CCSER1: variants seen among roughly 807,000 people sequenced by gnomAD.
CCSER1 encodes serine-rich coiled-coil domain-containing protein 1.
CCSER1 carries 41 observed loss-of-function variants against 82.0 expected under a neutral mutation model. The observed-to-expected ratio is 0.50, with a 90% CI of 0.39 to 0.65. CCSER1 has a LOEUF of 0.65. Ranked by LOEUF, CCSER1 falls within the 30% of genes least tolerant of loss-of-function variation. The probability of loss-of-function intolerance (pLI) is 0.00; values close to 1 mark genes in which losing one functional copy is unlikely to be tolerated. For missense variants in CCSER1, 1,119 were observed against 1,064.2 expected (o/e 1.05, Z -0.72); for synonymous variants, 414 against 383.9 (o/e 1.08, Z -0.92).
At chr4:91,468,230 T>C (rs1757046060) in intron 10 of CCSER1, among the ~76,000 whole-genome samples, 1 of 152,134 alleles carries the variant, frequency 6.6e-6, no homozygotes, top group Non-Finnish European at 1.5e-5. Context: ...GAAACCATCA[T>C]TCTTGGCAAA....
intron 9 of CCSER1, among the ~76,000 whole-genome samples, chr4:90,933,245 A>T (rs1414958557): frequency 1.4e-5 from 2 of 141,402 alleles, no homozygotes; most frequent in Non-Finnish European, 3.0e-5. Flanking sequence ...TGGAGTGCGG[A>T]GGCGCGGTCT....
intron 6 of CCSER1, among the ~76,000 whole-genome samples, chr4:90,684,518 T>C (rs1277714809): frequency 6.6e-6 from 1 of 152,236 alleles, no homozygotes; most frequent in Admixed American, 6.5e-5. Flanking sequence ...CTTTAAATTA[T>C]GCTTGTGAAT....
chr4:90,435,903 A>G (rs1466646773), intron 4 of CCSER1, among the ~76,000 whole-genome samples: 1 of 152,082 alleles, frequency 6.6e-6, no homozygotes, highest in Non-Finnish European at 1.5e-5. Flanking sequence ...GTTAGATATT[A>G]AATTGTTTAT....
chr4:91,068,448 A>C (rs1364639904), intron 9 of CCSER1, among the ~76,000 whole-genome samples: 1 of 152,206 alleles, frequency 6.6e-6, no homozygotes, highest in East Asian at 1.9e-4. Context: ...GTTCCTAGAA[A>C]TTAATAATGA....
chr4:91,256,141 T>TG (rs553425372), intron 10 of CCSER1, among the ~76,000 whole-genome samples: 318 of 152,048 alleles, frequency 2.1e-3, no homozygotes, highest in South Asian at 0.013. Context: ...CCTGGTTGGG[T>TG]GGGGGGGCCC....
At chr4:91,289,504 T>G (rs558183398) in intron 10 of CCSER1, among the ~76,000 whole-genome samples, 1 of 152,172 alleles carries the variant, frequency 6.6e-6, no homozygotes, top group South Asian at 2.1e-4. Context: ...AATTACTGAG[T>G]TAGAGCTGTA....
intron 8 of CCSER1, among the ~76,000 whole-genome samples, chr4:90,851,193 C>T (rs532906212): frequency 1.3e-4 from 20 of 152,252 alleles, no homozygotes; most frequent in East Asian, 3.9e-4. Flanking sequence ...TACCCAGTCT[C>T]GTATTTCTTC....
chr4:90,145,620 A>G (rs959210368), intron 1 of CCSER1, among the ~76,000 whole-genome samples: 1 of 152,126 alleles, frequency 6.6e-6, no homozygotes, highest in Non-Finnish European at 1.5e-5. Context: ...GTGAGGGAAT[A>G]TGATCTTTAT....
At chr4:90,523,772 C>G (rs562108331) in intron 5 of CCSER1, among the ~76,000 whole-genome samples, 1 of 151,698 alleles carries the variant, frequency 6.6e-6, no homozygotes, top group African/African-American at 2.4e-5. Context: ...CTGAAAAGTA[C>G]GAAGATTTCC....
chr4:91,212,990 AGTTT>A (rs1451192690), intron 10 of CCSER1, among the ~76,000 whole-genome samples: 3 of 152,024 alleles, frequency 2.0e-5, no homozygotes, highest in Non-Finnish European at 4.4e-5. Flanking sequence ...AACACGTGGT[AGTTT>A]GTTTTCTGTT....
At chr4:90,391,239 C>T (rs546366946) in intron 3 of CCSER1, among the ~76,000 whole-genome samples, 7 of 136,790 alleles carry the variant, frequency 5.1e-5, no homozygotes, top group African/African-American at 2.0e-4. Flanking sequence ...TGCCATTGCG[C>T]TCCAGCCTGG....
At position 91,270,781 on chromosome 4, in the gene CCSER1, G is replaced by C. The variant is rs144908230; in HGVS notation, c.2217+184787G>C. 4.0e-3 allele frequency among the ~76,000 whole-genome samples: 607 copies of C among 152,226 alleles called. 2 individuals carry two copies. The highest frequency in any genetic ancestry group is 0.014 in the African/African-American group (570 of 41,524). On this transcript the variant is annotated intron_variant, in intron 10 of 10. Transcript: ENST00000509176. ...TCCCTCTTTCCTATTTGTGGTAATG[G>C]AAGGCTATTATATAGTATGGAGATA...
intron 9 of CCSER1, among the ~76,000 whole-genome samples, chr4:90,936,519 T>G: frequency 6.6e-6 from 1 of 152,236 alleles, no homozygotes; most frequent in East Asian, 1.9e-4. Flanking sequence ...GTATTAAAAC[T>G]TTTATGGAAA....
In CCSER1 at chr4:90,628,005, CT is replaced by C. The variant is rs11303496; in HGVS notation, c.1725-9del. ...AGCATGCTGCACTGTAATTTTTGTT[CT>C]TTTTTTTTTTCTTGTTAGGAATCTT... On this transcript the variant is annotated intron_variant, in intron 5 of 10. Coordinates refer to ENST00000509176, the MANE Select transcript of CCSER1 (RefSeq NM_001145065.2). 0.43 allele frequency: 560,285 copies of C among 1,308,504 alleles called. 92,600 individuals are homozygous for C. Among genetic ancestry groups the C allele is most frequent in the African/African-American group, 0.73 (51,555 of 70,480 alleles). The allele number at this position is 1,308,504 out of a possible 1,614,324, so 81.1% of individuals were successfully genotyped here.
At chr4:91,580,876 C>A (rs916022885) in intron 10 of CCSER1, among the ~76,000 whole-genome samples, 1 of 151,478 alleles carries the variant, frequency 6.6e-6, no homozygotes, top group Non-Finnish European at 1.5e-5. Context: ...TTTTTGACAA[C>A]CATACATCTT....
At chr4:91,031,211 A>G (rs1333780211) in intron 9 of CCSER1, among the ~76,000 whole-genome samples, 2 of 152,116 alleles carry the variant, frequency 1.3e-5, no homozygotes, top group African/African-American at 4.8e-5. Context: ...TTGATATAAA[A>G]CCTGTAATTA....
At chr4:90,842,437 TG>T in intron 8 of CCSER1, among the ~76,000 whole-genome samples, 1 of 152,154 alleles carries the variant, frequency 6.6e-6, no homozygotes, top group East Asian at 1.9e-4. Flanking sequence ...GATGCAAAAA[TG>T]GGTACAGAAA....
intron 10 of CCSER1, among the ~76,000 whole-genome samples, chr4:91,147,121 G>A (rs997922153): frequency 2.6e-5 from 4 of 152,206 alleles, no homozygotes; most frequent in Non-Finnish European, 5.9e-5. Flanking sequence ...CTTTGAGCTT[G>A]GCAGAATCAG....
intron 10 of CCSER1, among the ~76,000 whole-genome samples, chr4:91,194,673 AACACAC>A (rs370891528): frequency 6.7e-6 from 1 of 149,976 alleles, no homozygotes; most frequent in Non-Finnish European, 1.5e-5. Flanking sequence ...CATGGTAGAG[AACACAC>A]ACACACACAC....
Sources: gnomAD v4.1 joint callset for allele counts (sites outside exome capture counted in the v4.1 genomes callset) on GRCh38, gnomAD v4.1.1 for gene constraint, MANE v1.5 for transcripts, NCBI Gene and HGNC (gene_info 2026-07-23, HGNC 2026-07-21) for gene names.